The following CFAP20DC variants were observed in gnomAD, a reference collection of about 807,000 sequenced individuals.
The protein encoded by CFAP20DC is CFAP20 domain containing.
Under a neutral mutation model 101.7 loss-of-function variants are expected in CFAP20DC, and 84 were observed. The observed-to-expected ratio is 0.83, with a 90% confidence interval of 0.69 to 0.99. The LOEUF is 0.99. Among genes scored for constraint, CFAP20DC ranks in the 50% least tolerant of loss-of-function variants. The pLI, the probability that CFAP20DC is intolerant of heterozygous loss-of-function variation, is 0.00. For missense variants in CFAP20DC, 1,007 were observed against 970.3 expected (o/e 1.04, Z -0.50); for synonymous variants, 359 against 351.2 (o/e 1.02, Z -0.25).
intron 4 of CFAP20DC, chr3:59,017,162 G>C (rs2093705672): frequency 6.6e-6 from 1 of 152,012 alleles, no homozygotes. Context: ...ACTGAATAGG[G>C]GTAAATGCCT....
rs552948988 is a variant in CFAP20DC, at chr3:58,772,838, G to GA, written c.2238-18976dup. Among the ~76,000 whole-genome samples, 128 of 152,084 alleles carry GA rather than the reference G, an allele frequency of 8.4e-4. No homozygotes were observed. The South Asian group carries it at 0.019, about 22-fold the overall frequency. On this transcript the variant is annotated intron_variant, in intron 15 of 16. Transcript: ENST00000482387. ...AGTATAGTCTTATCCTTTTTATATA[G>GA]AAAAAATATATGCATAACAATGTAT...
chr3:59,038,161 G>T (rs1221860874), intron 4 of CFAP20DC, among the ~76,000 whole-genome samples: 1 of 152,110 alleles, frequency 6.6e-6, no homozygotes, highest in Non-Finnish European at 1.5e-5. Context: ...AGCATTAGGA[G>T]AAATGCCAAT....
intron 11 of CFAP20DC, among the ~76,000 whole-genome samples, chr3:58,865,628 G>C (rs2079625096): frequency 6.6e-6 from 1 of 152,186 alleles, no homozygotes; most frequent in Admixed American, 6.5e-5. Flanking sequence ...TTTGCATGGT[G>C]CTGGGTACAT....
At chr3:58,989,621 A>C (rs979902467) in intron 4 of CFAP20DC, among the ~76,000 whole-genome samples, 1 of 152,196 alleles carries the variant, frequency 6.6e-6, no homozygotes, top group African/African-American at 2.4e-5. Flanking sequence ...TGAATAAAAA[A>C]GTAAAGTTTG....
At position 58,899,722 on chromosome 3, in the gene CFAP20DC, G is replaced by T. The variant is rs1433828951; in HGVS notation, c.550+13986C>A. Among the ~76,000 whole-genome samples, 2 of 152,142 alleles carry T rather than the reference G, an allele frequency of 1.3e-5. No individual in the cohort carries two copies. Among genetic ancestry groups the T allele is most frequent in the Admixed American group, 6.5e-5 (1 of 15,280 alleles). ...ACTCACCGCTTCCCTTGGCTGGGGT[G>T]GGGGGACTGTTGGCTTCATGCCACT... is the stretch of plus-strand genomic sequence containing the variant. On this transcript the variant is annotated intron_variant, in intron 6 of 16. Transcript: ENST00000482387. The surrounding 1 kb of genome is among the most constrained non-coding windows in gnomAD (Gnocchi z 5.0).
chr3:58,754,493 G>C (rs1186312518), intron 15 of CFAP20DC, among the ~76,000 whole-genome samples: 1 of 152,142 alleles, frequency 6.6e-6, no homozygotes, highest in East Asian at 1.9e-4. Flanking sequence ...CAGAAGGCTT[G>C]AGTCACTGCA....
chr3:58,761,292 A>G (rs2069565626), intron 15 of CFAP20DC, among the ~76,000 whole-genome samples: 1 of 152,068 alleles, frequency 6.6e-6, no homozygotes, highest in African/African-American at 2.4e-5. Flanking sequence ...GAATTTATCC[A>G]TTTCTTCTAG....
intron 4 of CFAP20DC, among the ~76,000 whole-genome samples, chr3:58,952,725 A>T (rs1020818735): frequency 1.3e-5 from 2 of 151,536 alleles, no homozygotes; most frequent in African/African-American, 4.9e-5. Flanking sequence ...TTATATATAA[A>T]CTCTTCTACT....
intron 4 of CFAP20DC, among the ~76,000 whole-genome samples, chr3:58,969,701 GTTCTTA>G (rs1228418013): frequency 1.3e-5 from 2 of 152,262 alleles, no homozygotes; most frequent in African/African-American, 4.8e-5. Context: ...GGAAACAATA[GTTCTTA>G]TTCTTATCTA....
chr3:58,957,436 A>T (rs2090739534), intron 4 of CFAP20DC, among the ~76,000 whole-genome samples: 1 of 152,210 alleles, frequency 6.6e-6, no homozygotes, highest in African/African-American at 2.4e-5. Context: ...TATGGAGAAC[A>T]GTTTTGAGGT....
In CFAP20DC at chr3:58,971,499, C is replaced by T. The variant is rs1208558993; in HGVS notation, c.279-33737G>A. 6.6e-6 allele frequency among the ~76,000 whole-genome samples: 1 copy of T among 152,022 alleles called. No individual in the cohort carries two copies. The highest frequency in any genetic ancestry group is 1.5e-5 in the Non-Finnish European group (1 of 68,006). On this transcript the variant is annotated intron_variant, in intron 4 of 16. Transcript: ENST00000482387. The surrounding 1 kb of genome is among the most constrained non-coding windows in gnomAD (Gnocchi z 4.1). ...ACTATAATTGCAGAAGATTTTTATT[C>T]CTTAGGCAATATATACATTCTCTTT... is the stretch of plus-strand genomic sequence containing the variant.
Position 58,728,695 on chromosome 3 carries a change from G to T in CFAP20DC, c.198-11067C>A, listed in dbSNP as rs556154263. Among the ~76,000 whole-genome samples the T allele has an allele frequency of 2.7e-4, 41 of 152,266 alleles. No homozygotes were observed. In the South Asian group the frequency reaches 8.5e-3, roughly 32 times the overall value. On this transcript the variant is annotated intron_variant, in intron 3 of 3. Transcript: ENST00000486145. This position sits in a 1 kb window ranked among gnomAD's most constrained non-coding sequence, Gnocchi z 4.7. ...ATCATATGCCAGAGCTTTGGTAAATGCATGAACTCTACACACCGTATTGGA... is the reference window on the plus strand; with the variant it reads ...ATCATATGCCAGAGCTTTGGTAAATTCATGAACTCTACACACCGTATTGGA...
intron 4 of CFAP20DC, among the ~76,000 whole-genome samples, chr3:58,942,355 C>T (rs1283858774): frequency 6.6e-6 from 1 of 152,188 alleles, no homozygotes; most frequent in African/African-American, 2.4e-5. Flanking sequence ...GTGATTTCTG[C>T]ATTTCCAACT....
chr3:58,827,824 C>T (rs1363173910), intron 14 of CFAP20DC, among the ~76,000 whole-genome samples: 1 of 152,198 alleles, frequency 6.6e-6, no homozygotes, highest in Non-Finnish European at 1.5e-5. Context: ...TCCTCAGTAG[C>T]CAGCCTAGTT....
Position 58,806,397 on chromosome 3 carries a change from G to C in CFAP20DC, c.2235C>G (p.Pro745=). 1 of 1,588,786 alleles carries C rather than the reference G, an allele frequency of 6.3e-7. No homozygotes were observed. The highest frequency in any genetic ancestry group is 1.7e-4 in the Middle Eastern group (1 of 6,012). The change falls in exon 15 of 17, where the codon CCC becomes CCG. Residue 745 remains proline, a splice_region_variant and synonymous_variant. Coordinates refer to ENST00000482387, the MANE Select transcript of CFAP20DC (RefSeq NM_001394063.1). ...KEMNPPSPSN[P]RDWLNMLSPP... is the part of the protein sequence containing the mutation. ...TGTAGATTATTAATGATTCTTACCG[G>C]GGATTAGAAGGAGAAGGTGGGTTCA...
intron 4 of CFAP20DC, among the ~76,000 whole-genome samples, chr3:58,945,326 A>G (rs540462916): frequency 6.6e-6 from 1 of 152,278 alleles, no homozygotes; most frequent in East Asian, 1.9e-4. Flanking sequence ...TGGGAACAAG[A>G]TATTTAATAT....
chr3:58,975,453 G>A (rs370813357), intron 4 of CFAP20DC, among the ~76,000 whole-genome samples: 208 of 152,242 alleles, frequency 1.4e-3, no homozygotes, highest in African/African-American at 4.7e-3. Flanking sequence ...ACTATGTGTA[G>A]AGACAATGAA....
intron 12 of CFAP20DC, among the ~76,000 whole-genome samples, chr3:58,856,885 TGTCATACACAATTGGCA>T (rs1207834307): frequency 6.6e-6 from 1 of 152,204 alleles, no homozygotes; most frequent in African/African-American, 2.4e-5. Flanking sequence ...TTCCTGTAAT[TGTCATACACAATTGGCA>T]GTGGGATTTC....
In CFAP20DC at chr3:58,984,699, G is replaced by A. The variant is rs954764081; in HGVS notation, c.279-46937C>T. On this transcript the variant is annotated intron_variant, in intron 4 of 16. Coordinates refer to ENST00000482387, the MANE Select transcript of CFAP20DC (RefSeq NM_001394063.1). The stretch of plus-strand genomic sequence containing the variant: ...AGCATTAAAACAAAATCTCTACAGA[G>A]AAGGAACAAAAAGAGTGAAAAGAAA... 9.2e-5 allele frequency among the ~76,000 whole-genome samples: 14 copies of A among 152,296 alleles called. No individual in the cohort carries two copies. The South Asian group carries it at 2.3e-3, about 25-fold the overall frequency.
Sources: allele counts gnomAD v4.1 joint callset (sites outside exome capture counted in the v4.1 genomes callset), GRCh38; gene constraint gnomAD v4.1.1; non-coding constraint Gnocchi (gnomAD v3.1); transcripts MANE v1.5; gene names NCBI Gene and HGNC (gene_info 2026-07-23, HGNC 2026-07-21).